Variants in FIGN observed in about 807,000 individuals in gnomAD.
FIGN encodes fidgetin.
FIGN carries 11 observed loss-of-function variants against 51.3 expected under a neutral mutation model. The ratio of observed to expected loss-of-function variants is 0.21; its 90% CI spans 0.13 to 0.35. FIGN has a LOEUF of 0.35. Among genes scored for constraint, FIGN ranks in the 10% least tolerant of loss-of-function variants. FIGN has a pLI of 1.00. For missense variants in FIGN, 857 were observed against 943.6 expected, an observed-to-expected ratio of 0.91 and a Z score of 1.20; for synonymous variants, 407 against 363.2, an observed-to-expected ratio of 1.12 and a Z score of -1.37.
chr2:163,654,475 A>G (rs1683527695), intron 2 of FIGN, among the ~76,000 whole-genome samples: 1 of 152,174 alleles, frequency 6.6e-6, no homozygotes, highest in Admixed American at 6.6e-5. Flanking sequence ...GCTGGACCCT[A>G]GATCTATTTG....
At chr2:163,704,502 AT>A (rs1684462537) in intron 2 of FIGN, among the ~76,000 whole-genome samples, 1 of 152,040 alleles carries the variant, frequency 6.6e-6, no homozygotes, top group Non-Finnish European at 1.5e-5. Context: ...GTGATGTTAC[AT>A]AGGCCAATTT....
At chr2:163,668,745 C>T (rs1683825109) in intron 2 of FIGN, among the ~76,000 whole-genome samples, 2 of 151,910 alleles carry the variant, frequency 1.3e-5, no homozygotes, top group Admixed American at 6.6e-5. Flanking sequence ...TTGAGACCAT[C>T]CTGGCTAACA....
At position 163,669,035 on chromosome 2, in the gene FIGN, T is replaced by C. The variant is rs182553201; in HGVS notation, c.26-57229A>G. ...AAAGGAATATATATATATATATATA[T>C]ACACTATAAATTCTTATTATATAAA... On this transcript the variant is annotated intron_variant, in intron 2 of 2. Transcript: ENST00000333129. 3.1e-3 allele frequency among the ~76,000 whole-genome samples: 464 copies of C among 148,604 alleles called. 2 individuals are homozygous for C. The highest frequency in any genetic ancestry group is 9.8e-3 in the African/African-American group (397 of 40,534).
At chr2:163,667,355 C>T (rs939766025) in intron 2 of FIGN, among the ~76,000 whole-genome samples, 2 of 133,318 alleles carry the variant, frequency 1.5e-5, no homozygotes, top group Non-Finnish European at 3.2e-5. Context: ...AAAAAAAAAA[C>T]TTTTCTAAAA....
chr2:163,605,128 A>C lies in FIGN; in HGVS notation c.*4424T>G, dbSNP rs1364028957. The C allele has an allele frequency of 2.0e-5, 3 of 151,866 alleles. No homozygotes were observed. The highest frequency in any genetic ancestry group is 7.3e-5 in the African/African-American group (3 of 41,366). 9.4% of individuals were successfully genotyped at this position (151,866 alleles called of 1,614,324 possible). A position where few individuals can be genotyped will look rare whatever the true frequency, so the allele number is the denominator to read the frequency against. ...ACATATCACTGAGACAGGGAGGTGA[A>C]ATTTTCCTGCTTCCAGTCTAATTGT... On this transcript the variant is annotated 3_prime_UTR_variant, in exon 3 of 3. Transcript: ENST00000333129.
chr2:163,696,798 G>A (rs894339745), intron 2 of FIGN, among the ~76,000 whole-genome samples: 1 of 150,394 alleles, frequency 6.6e-6, no homozygotes, highest in East Asian at 1.9e-4. Flanking sequence ...CTCCCAAGTA[G>A]CTAGGACTAC....
chr2:163,668,422 C>A (rs1683819314), intron 2 of FIGN, among the ~76,000 whole-genome samples: 1 of 152,156 alleles, frequency 6.6e-6, no homozygotes, highest in African/African-American at 2.4e-5. Context: ...CTTTGTTGGA[C>A]CCTGGTAGAA....
Position 163,609,803 on chromosome 2 carries a change from C to T in FIGN, c.2029G>A (p.Glu677Lys). Residue 677 changes from glutamate (E) to lysine (K), a missense_variant, in exon 3 of 3, where the codon GAG (glutamate) becomes AAG (lysine). Around this residue, in one of 3 missense-constraint regions of FIGN, gnomAD observed 799 missense variants for 849.5 expected, o/e 0.94. Coordinates refer to ENST00000333129, the MANE Select transcript of FIGN (RefSeq NM_018086.4). ...SQHNYCLNDKEFALLVQRTEG... is the reference protein window; with the variant it reads ...SQHNYCLNDKKFALLVQRTEG... ...GTGCGCTGGACGAGCAGTGCAAACT[C>T]CTTGTCATTGAGACAGTAATTGTGC... 6.2e-7 allele frequency: 1 copy of T among 1,614,112 alleles called. No homozygotes were observed.
intron 2 of FIGN, among the ~76,000 whole-genome samples, chr2:163,723,319 C>T (rs1684788967): frequency 6.6e-6 from 1 of 152,098 alleles, no homozygotes; most frequent in Admixed American, 6.6e-5. Flanking sequence ...ATGCTATACA[C>T]ACATGTTGAG....
rs1574221440 is a variant in FIGN, at chr2:163,608,557, A to G, written c.*995T>C. ...AGGTCTAGACACTAACACAAACTGAATAAGTAGCTTTCAATTAACCAGTGT... is the reference window on the plus strand; with the variant it reads ...AGGTCTAGACACTAACACAAACTGAGTAAGTAGCTTTCAATTAACCAGTGT... On this transcript the variant is annotated 3_prime_UTR_variant, in exon 3 of 3. Transcript: ENST00000333129. 1 of 152,428 alleles carries G rather than the reference A, an allele frequency of 6.6e-6. No homozygotes were observed. Among genetic ancestry groups the G allele is most frequent in the Admixed American group, 6.5e-5 (1 of 15,290 alleles). 9.4% of individuals were successfully genotyped at this position (152,428 alleles called of 1,614,324 possible). A position where few individuals can be genotyped will look rare whatever the true frequency, so the allele number is the denominator to read the frequency against.
At chr2:163,661,788 T>A (rs891447873) in intron 2 of FIGN, among the ~76,000 whole-genome samples, 1 of 152,198 alleles carries the variant, frequency 6.6e-6, no homozygotes, top group Admixed American at 6.5e-5. Flanking sequence ...CTGCTTTTTC[T>A]TCTTCCTCAT....
chr2:163,672,797 T>C (rs1683898850), intron 2 of FIGN, among the ~76,000 whole-genome samples: 1 of 152,224 alleles, frequency 6.6e-6, no homozygotes, highest in Non-Finnish European at 1.5e-5. Context: ...GCAGAGTCCT[T>C]AGTTCAGTGT....
intron 2 of FIGN, among the ~76,000 whole-genome samples, chr2:163,657,142 G>C (rs1189158832): frequency 6.6e-6 from 1 of 150,528 alleles, no homozygotes; most frequent in Non-Finnish European, 1.5e-5. Context: ...AGAAATGGTT[G>C]CCAAGGTCTA....
chr2:163,633,713 T>C (rs1407168190), intron 2 of FIGN, among the ~76,000 whole-genome samples: 1 of 152,222 alleles, frequency 6.6e-6, no homozygotes, highest in African/African-American at 2.4e-5. Flanking sequence ...TCTGACCTCA[T>C]ATACTGTTTC....
chr2:163,658,849 GATAC>G (rs1280427030), intron 2 of FIGN, among the ~76,000 whole-genome samples: 1 of 152,186 alleles, frequency 6.6e-6, no homozygotes, highest in Non-Finnish European at 1.5e-5. Context: ...CTTGTCTTCA[GATAC>G]CATTAGTGAG....
At chr2:163,681,641 A>T (rs1305054603) in intron 2 of FIGN, among the ~76,000 whole-genome samples, 1 of 152,208 alleles carries the variant, frequency 6.6e-6, no homozygotes, top group Non-Finnish European at 1.5e-5. Flanking sequence ...AGCACGATGA[A>T]GGGCAAATAT....
intron 2 of FIGN, among the ~76,000 whole-genome samples, chr2:163,657,500 C>CTGTGTGTGTGTGTG (rs72033079): frequency 7.5e-4 from 111 of 147,534 alleles, no homozygotes; most frequent in South Asian, 2.2e-3. Flanking sequence ...CAGAGGGAGT[C>CTGTGTGTGTGTGTG]TGTGTGTGTG....
intron 2 of FIGN, among the ~76,000 whole-genome samples, chr2:163,650,603 A>C (rs1185039342): frequency 6.7e-6 from 1 of 149,274 alleles, no homozygotes; most frequent in East Asian, 2.0e-4. Flanking sequence ...ATGTGTTCTC[A>C]TTGTTCAACT....
At chr2:163,704,208 A>C (rs915764477) in intron 2 of FIGN, among the ~76,000 whole-genome samples, 1 of 152,148 alleles carries the variant, frequency 6.6e-6, no homozygotes, top group Non-Finnish European at 1.5e-5. Context: ...ATGAATAATA[A>C]ATAATACTTA....
Sources: allele counts gnomAD v4.1 joint callset (sites outside exome capture counted in the v4.1 genomes callset), GRCh38; gene constraint gnomAD v4.1.1; regional missense constraint gnomAD v4.1.1; transcripts MANE v1.5; gene names NCBI Gene and HGNC (gene_info 2026-07-23, HGNC 2026-07-21).